Variants in SEC11A observed in about 807,000 individuals in gnomAD.
SEC11A encodes the protein signal peptidase complex catalytic subunit SEC11A.
A neutral mutation model predicts 25.6 loss-of-function variants in SEC11A; 14 were observed. The observed-to-expected ratio is 0.55, with a 90% CI of 0.36 to 0.85. The LOEUF (loss-of-function observed/expected upper bound fraction) is 0.85. Ranked by LOEUF, SEC11A falls within the 40% of genes least tolerant of loss-of-function variation. The pLI is 0.01. For missense variants in SEC11A, 153 were observed against 222.9 expected (o/e 0.69, Z 2.00); for synonymous variants, 83 against 76.4 (o/e 1.09, Z -0.45).
At chr15:84,715,947 T>G (rs1596088872) in intron 1 of SEC11A, 78 bp downstream of exon 1, 2 of 1,382,796 alleles carry the variant, frequency 1.4e-6, no homozygotes, top group Admixed American at 3.8e-5. Flanking sequence ...ACCAGAACCC[T>G]GGGGTCCGCC....
intron 4 of SEC11A, chr15:84,680,016 ATCAATT>A (rs1310385977): frequency 1.6e-6 from 2 of 1,234,910 alleles, no homozygotes; most frequent in Non-Finnish European, 2.3e-6. Context: ...ATTCAACCTC[ATCAATT>A]TCAAGACTAG....
chr15:84,691,791 GC>G (rs1897615509), intron 1 of SEC11A, 147 bp from the exon 2 acceptor site: 1 of 512,062 alleles, frequency 2.0e-6, no homozygotes, highest in Non-Finnish European at 3.4e-6. Flanking sequence ...TAATAATTAT[GC>G]CATCAGCAGA....
intron 1 of SEC11A, among the ~76,000 whole-genome samples, chr15:84,703,577 G>A (rs1254784637): frequency 7.2e-5 from 11 of 152,180 alleles, no homozygotes; most frequent in Admixed American, 7.2e-4. Context: ...ATCTCATGCA[G>A]GGTTGATCAT....
In SEC11A at chr15:84,680,777, G is replaced by T; in HGVS notation, c.367C>A (p.Arg123=). The T allele has an allele frequency of 6.2e-7, 1 of 1,610,972 alleles. No individual in the cohort carries two copies. Among genetic ancestry groups the T allele is most frequent in the Non-Finnish European group, 8.5e-7 (1 of 1,177,844 alleles). The stretch of plus-strand genomic sequence containing the variant: ...TGTTGTCCTTGTTTATAGAGGCCTC[G>T]GTCATCAACCGCATTATTATCTCCT... ...TKGDNNAVDD[R]GLYKQGQHWL... The change falls in exon 4 of 6, where the codon CGA becomes AGA. Residue 123 remains arginine, a synonymous_variant. Coordinates refer to ENST00000268220, the MANE Select transcript of SEC11A (RefSeq NM_014300.4).
At chr15:84,711,380 T>A (rs914485630) in intron 1 of SEC11A, among the ~76,000 whole-genome samples, 7 of 151,316 alleles carry the variant, frequency 4.6e-5, no homozygotes, top group African/African-American at 1.7e-4. Context: ...AGACCCTGTC[T>A]CAAAACAAAC....
intron 1 of SEC11A, among the ~76,000 whole-genome samples, chr15:84,708,732 G>A (rs544479108): frequency 5.9e-5 from 9 of 151,924 alleles, no homozygotes; most frequent in Admixed American, 5.3e-4. Flanking sequence ...AGACTGCAGT[G>A]AGCTGTAATC....
At chr15:84,679,146 T>A in intron 4 of SEC11A, 1 of 457,544 alleles carries the variant, frequency 2.2e-6, no homozygotes, top group South Asian at 2.4e-5. Context: ...GATATTTTCT[T>A]ATGTTTCTAC....
intron 1 of SEC11A, among the ~76,000 whole-genome samples, chr15:84,693,100 G>A (rs1897656618): frequency 6.6e-6 from 1 of 152,182 alleles, no homozygotes; most frequent in Non-Finnish European, 1.5e-5. Flanking sequence ...TGGGATTACA[G>A]GTATGAGCCA....
At chr15:84,681,362 G>C (rs940091228) in intron 3 of SEC11A, among the ~76,000 whole-genome samples, 4 of 152,252 alleles carry the variant, frequency 2.6e-5, no homozygotes, top group African/African-American at 7.2e-5. Flanking sequence ...AGGCGCGGTG[G>C]CTCACGCCTG....
chr15:84,687,844 T>G, intron 2 of SEC11A, 70 bp from the exon 3 acceptor site: 2 of 1,308,658 alleles, frequency 1.5e-6, no homozygotes, highest in Non-Finnish European at 2.1e-6. Flanking sequence ...AAATTAGATA[T>G]TCAACAAAAT....
At chr15:84,680,688 T>C (rs1311702629) in intron 4 of SEC11A, 25 bp downstream of exon 4, 7 of 1,567,290 alleles carry the variant, frequency 4.5e-6, no homozygotes, top group Non-Finnish European at 5.2e-6. Context: ...TATAAAAAGT[T>C]TGAGATGCTC....
intron 4 of SEC11A, chr15:84,679,936 C>G (rs1482869909): frequency 6.5e-7 from 1 of 1,529,778 alleles, no homozygotes; most frequent in Admixed American, 2.0e-5. Flanking sequence ...ACTTACAATT[C>G]CTGTCCTCCA....
intron 1 of SEC11A, among the ~76,000 whole-genome samples, chr15:84,711,056 C>A (rs1312644853): frequency 2.1e-5 from 3 of 146,018 alleles, no homozygotes; most frequent in African/African-American, 5.1e-5. Context: ...CAAAACAGAG[C>A]AAGACTCCAT....
Position 84,680,722 on chromosome 15 carries a change from C to G in SEC11A, c.422G>C (p.Arg141Thr). The G allele has an allele frequency of 6.2e-7, 1 of 1,611,232 alleles. No homozygotes were observed. The highest frequency in any genetic ancestry group is 8.5e-7 in the Non-Finnish European group (1 of 1,178,310). ...HWLEKKDVVGRARGFVPYIGI... is the reference protein window; with the variant it reads ...HWLEKKDVVGTARGFVPYIGI... ...TCCCCTCTATACTTACCCCCTGGCT[C>G]TCCCCACAACATCTTTTTTCTCTAG... The change falls in exon 4 of 6, where the codon AGA becomes ACA. Residue 141 changes from arginine to threonine, a missense_variant. Physicochemically the swap from Arg to Thr is moderately conservative, Grantham distance 71 (BLOSUM62 -1). Transcript: ENST00000268220.
chr15:84,697,634 C>G (rs1396919488), intron 1 of SEC11A, among the ~76,000 whole-genome samples: 1 of 152,194 alleles, frequency 6.6e-6, no homozygotes. Flanking sequence ...TTTACCCTCT[C>G]TTTTCCTGCC....
At chr15:84,687,298 G>T (rs774300712) in intron 3 of SEC11A, among the ~76,000 whole-genome samples, 1 of 152,178 alleles carries the variant, frequency 6.6e-6, no homozygotes, top group Non-Finnish European at 1.5e-5. Context: ...GTAGGCGTGA[G>T]CCACTGTGCC....
intron 4 of SEC11A, among the ~76,000 whole-genome samples, chr15:84,677,206 T>C (rs1897157646): frequency 6.6e-6 from 1 of 152,212 alleles, no homozygotes; most frequent in Admixed American, 6.5e-5. Context: ...TAGTGTTTTA[T>C]AAACACAATT....
At position 84,671,597 on chromosome 15, in the gene SEC11A, A is replaced by G. The variant is rs571576822; in HGVS notation, c.432-815T>C. On this transcript the variant is annotated intron_variant, in intron 4 of 5. Transcript: ENST00000268220. Reference sequence around the variant, plus strand: ...ACATTTCCTTTGAGGTCTTTATAATAATTATCATACTTTTACTTAAATAAT... The same window carrying G: ...ACATTTCCTTTGAGGTCTTTATAATGATTATCATACTTTTACTTAAATAAT... 2.0e-5 allele frequency: 3 copies of G among 152,304 alleles called. No homozygotes were observed. The South Asian group carries it at 6.2e-4, about 32-fold the overall frequency. The allele number at this position is 152,304 out of a possible 1,614,324, so 9.4% of individuals were successfully genotyped here. A position where few individuals can be genotyped will look rare whatever the true frequency, so the allele number is the denominator to read the frequency against.
intron 2 of SEC11A, among the ~76,000 whole-genome samples, chr15:84,688,226 A>G (rs547127311): frequency 2.6e-4 from 39 of 152,356 alleles, no homozygotes; most frequent in African/African-American, 8.7e-4. Context: ...AGATGACCTT[A>G]TATGTTCAAC....
Sources: gnomAD v4.1 joint callset for allele counts (sites outside exome capture counted in the v4.1 genomes callset) on GRCh38, gnomAD v4.1.1 for gene constraint, MANE v1.5 for transcripts, NCBI Gene and HGNC (gene_info 2026-07-23, HGNC 2026-07-21) for gene names.